Variants in MACROD2 observed in about 807,000 individuals in gnomAD.
MACROD2 encodes ADP-ribose glycohydrolase MACROD2.
MACROD2 carries 36 observed loss-of-function variants against 70.4 expected under a neutral mutation model. The ratio of observed to expected loss-of-function variants is 0.51; its 90% CI spans 0.39 to 0.68. MACROD2 has a LOEUF of 0.68. Ranked by LOEUF, MACROD2 falls within the 30% of genes least tolerant of loss-of-function variation. MACROD2 has a pLI of 0.00. For synonymous variants in MACROD2, 172 were observed against 178.8 expected, an observed-to-expected ratio of 0.96 and a Z score of 0.30; for missense variants, 496 against 538.4, an observed-to-expected ratio of 0.92 and a Z score of 0.78.
intron 5 of MACROD2, among the ~76,000 whole-genome samples, chr20:14,939,441 T>C (rs2074371553): frequency 6.6e-6 from 1 of 152,184 alleles, no homozygotes; most frequent in Non-Finnish European, 1.5e-5. Flanking sequence ...TCTGTTCCAT[T>C]GTACTATGTG....
intron 5 of MACROD2, among the ~76,000 whole-genome samples, chr20:14,856,670 A>G (rs748996971): frequency 6.6e-5 from 10 of 152,144 alleles, no homozygotes; most frequent in Non-Finnish European, 1.3e-4. Flanking sequence ...GAAAATACAG[A>G]TTCAGATTCA....
chr20:15,056,215 A>G (rs1239546833), intron 5 of MACROD2, among the ~76,000 whole-genome samples: 2 of 152,192 alleles, frequency 1.3e-5, no homozygotes, highest in East Asian at 3.9e-4. Context: ...CTCTCATGAA[A>G]TTAGAGGAGC....
intron 3 of MACROD2, among the ~76,000 whole-genome samples, chr20:14,348,579 A>T (rs1343332974): frequency 1.3e-5 from 2 of 151,970 alleles, no homozygotes; most frequent in African/African-American, 4.8e-5. Context: ...ATTTCTTATC[A>T]GTTTAGGAAA....
At chr20:15,061,243 G>A (rs1267431482) in intron 5 of MACROD2, among the ~76,000 whole-genome samples, 3 of 152,176 alleles carry the variant, frequency 2.0e-5, no homozygotes, top group East Asian at 1.9e-4. Context: ...GTACTCACCT[G>A]TAAATGCTGC....
intron 5 of MACROD2, among the ~76,000 whole-genome samples, chr20:14,749,263 C>A (rs1190049092): frequency 6.6e-6 from 1 of 152,022 alleles, no homozygotes; most frequent in Non-Finnish European, 1.5e-5. Context: ...GCCTCCTACT[C>A]CCTTGTATTT....
intron 5 of MACROD2, among the ~76,000 whole-genome samples, chr20:15,047,586 G>T (rs1188679056): frequency 9.2e-5 from 14 of 152,164 alleles, no homozygotes; most frequent in Admixed American, 9.2e-4. Context: ...AAGAGAACTT[G>T]AGTTAGAGGC....
rs554099572 is a variant in MACROD2 at position 14,865,523 on chromosome 20, T to C, written c.418+180564T>C. Among the ~76,000 whole-genome samples the C allele has an allele frequency of 5.9e-5, 9 of 152,236 alleles. No individual in the cohort carries two copies. The East Asian group carries it at 1.5e-3, about 26-fold the overall frequency. ...TTCCATTTAAATACCAAACGTTTCC[T>C]GGAGTTCGTTATTCTAGTGGAATAA... On this transcript the variant is annotated intron_variant, in intron 5 of 17. Transcript: ENST00000684519.
At chr20:14,338,417 A>G (rs743216) in intron 3 of MACROD2, among the ~76,000 whole-genome samples, 29,779 of 152,114 alleles carry the variant, frequency 0.2, 3,060 homozygotes, top group East Asian at 0.31. Flanking sequence ...AGTTATGGGA[A>G]GGGCAATAGG....
chr20:14,472,259 A>AT (rs1488959846), intron 3 of MACROD2, among the ~76,000 whole-genome samples: 1 of 151,962 alleles, frequency 6.6e-6, no homozygotes, highest in East Asian at 1.9e-4. Context: ...TTACAGTCAT[A>AT]TTTTTTGCTT....
intron 8 of MACROD2, among the ~76,000 whole-genome samples, chr20:15,624,526 T>G (rs1324567872): frequency 1.3e-5 from 2 of 152,222 alleles, no homozygotes; most frequent in African/African-American, 2.4e-5. Context: ...CTATATATTA[T>G]ATTATGTGCA....
chr20:14,874,850 G>A (rs2073531446), intron 5 of MACROD2, among the ~76,000 whole-genome samples: 1 of 151,644 alleles, frequency 6.6e-6, no homozygotes, highest in Admixed American at 6.6e-5. Flanking sequence ...GATTACAGGT[G>A]TGCGCCACAA....
chr20:15,269,412 A>G (rs1460246991), intron 6 of MACROD2, among the ~76,000 whole-genome samples: 1 of 152,194 alleles, frequency 6.6e-6, no homozygotes, highest in Admixed American at 6.5e-5. Flanking sequence ...CTGACCCACC[A>G]TCTCGCTATG....
At chr20:15,717,788 TC>T (rs2050727331) in intron 8 of MACROD2, among the ~76,000 whole-genome samples, 1 of 152,086 alleles carries the variant, frequency 6.6e-6, no homozygotes, top group African/African-American at 2.4e-5. Flanking sequence ...GGAGCCTGAT[TC>T]GAGTGTGTTC....
chr20:15,061,121 G>A (rs1308870431), intron 5 of MACROD2, among the ~76,000 whole-genome samples: 2 of 152,204 alleles, frequency 1.3e-5, no homozygotes, highest in Non-Finnish European at 2.9e-5. Context: ...GCTTGTGATA[G>A]TGTATGCTCA....
chr20:15,471,458 T>C (rs765227634), intron 7 of MACROD2, among the ~76,000 whole-genome samples: 5 of 152,154 alleles, frequency 3.3e-5, no homozygotes, highest in Non-Finnish European at 7.4e-5. Flanking sequence ...GTTATTCTCA[T>C]TTTTTTCATA....
chr20:15,932,113 G>A (rs560507708), intron 10 of MACROD2, among the ~76,000 whole-genome samples: 82 of 152,262 alleles, frequency 5.4e-4, no homozygotes, highest in Non-Finnish European at 1.2e-4. Context: ...TGAGGTCACC[G>A]CTCAGCTGCA....
At chr20:14,666,552 C>T (rs2070738834) in intron 4 of MACROD2, among the ~76,000 whole-genome samples, 1 of 151,954 alleles carries the variant, frequency 6.6e-6, no homozygotes, top group African/African-American at 2.4e-5. Context: ...GCTTCATTTG[C>T]AAACTTAAGA....
intron 5 of MACROD2, among the ~76,000 whole-genome samples, chr20:14,861,982 T>TAC (rs1301440011): frequency 1.4e-5 from 1 of 72,622 alleles, no homozygotes; most frequent in Non-Finnish European, 2.4e-5. Context: ...TATAAATATA[T>TAC]ATATATATAT....
chr20:14,793,006 A>G (rs1433878786), intron 5 of MACROD2, among the ~76,000 whole-genome samples: 1 of 152,032 alleles, frequency 6.6e-6, no homozygotes, highest in Non-Finnish European at 1.5e-5. Flanking sequence ...TTTACTGAGC[A>G]CCTATTTTTA....
Sources: gnomAD v4.1 joint callset for allele counts (sites outside exome capture counted in the v4.1 genomes callset) on GRCh38, gnomAD v4.1.1 for gene constraint, MANE v1.5 for transcripts, NCBI Gene and HGNC (gene_info 2026-07-23, HGNC 2026-07-21) for gene names.